Variants in HKDC1 observed in about 807,000 individuals in gnomAD.
HKDC1 encodes the protein hexokinase HKDC1.
Under a neutral mutation model 96.6 loss-of-function variants are expected in HKDC1, and 66 were observed. That is an observed-to-expected ratio of 0.68 (90% CI 0.56 to 0.84). HKDC1 has a LOEUF of 0.84. HKDC1 is among the 40% of genes least tolerant of loss of function. The probability of loss-of-function intolerance (pLI) is 0.00; values close to 1 mark genes in which losing one functional copy is unlikely to be tolerated. For synonymous variants in HKDC1, 466 were observed against 473.1 expected (o/e 0.98, Z 0.20); for missense variants, 1,211 against 1,208.1 (o/e 1.00, Z -0.04).
At chr10:69,261,350 C>T in intron 16 of HKDC1, 56 bp downstream of exon 16, 1 of 1,565,526 alleles carries the variant, frequency 6.4e-7, no homozygotes, top group Admixed American at 1.7e-5. Flanking sequence ...TGCCACCACG[C>T]TGGGGTTGGG....
chr10:69,227,932 C>A (rs370887850), intron 2 of HKDC1, among the ~76,000 whole-genome samples: 2 of 152,220 alleles, frequency 1.3e-5, no homozygotes, highest in African/African-American at 4.8e-5. Flanking sequence ...CTCTCAGTGA[C>A]CTGAGGCAAG....
chr10:69,229,358 C>T (rs1843212824), intron 2 of HKDC1, among the ~76,000 whole-genome samples: 1 of 152,236 alleles, frequency 6.6e-6, no homozygotes, highest in African/African-American at 2.4e-5. Flanking sequence ...TGGGTAGGTG[C>T]TTGGGATGGA....
chr10:69,227,070 G>A (rs1843169998), intron 1 of HKDC1, 137 bp from the exon 2 acceptor site: 1 of 902,710 alleles, frequency 1.1e-6, no homozygotes, highest in Admixed American at 2.2e-5. Flanking sequence ...GTCAGATAGG[G>A]AGGCTTTGGG....
At chr10:69,252,973 CGTGTGTGTGT>C (rs57083436) in intron 12 of HKDC1, among the ~76,000 whole-genome samples, 100 of 140,270 alleles carry the variant, frequency 7.1e-4, no homozygotes, top group African/African-American at 2.0e-3. Context: ...CATCTCTAAA[CGTGTGTGTGT>C]GTGTGTGTGT....
chr10:69,265,429 G>A (rs977560603), intron 16 of HKDC1, 156 bp from the exon 17 acceptor site: 18 of 658,002 alleles, frequency 2.7e-5, no homozygotes, highest in Admixed American at 1.5e-4. Flanking sequence ...CTTGAGTCTC[G>A]GCTTCTAAGG....
At chr10:69,266,301 A>C (rs950663756) in intron 17 of HKDC1, among the ~76,000 whole-genome samples, 1 of 152,096 alleles carries the variant, frequency 6.6e-6, no homozygotes, top group Admixed American at 6.6e-5. Context: ...ATACAAAATG[A>C]ACAAAAATTA....
In HKDC1 at chr10:69,249,053, C is replaced by A. The variant is rs1038468050; in HGVS notation, c.1570+325C>A. ...GACCCCAGGAACTTTGTTTTAGATGCCTGAGATTGCCTGGGCTTGTCTTCC... is the reference window on the plus strand; with the variant it reads ...GACCCCAGGAACTTTGTTTTAGATGACTGAGATTGCCTGGGCTTGTCTTCC... On this transcript the variant is annotated intron_variant, in intron 10 of 17. Coordinates refer to ENST00000354624, the MANE Select transcript of HKDC1 (RefSeq NM_025130.4). 2.3e-5 allele frequency: 5 copies of A among 219,054 alleles called. No homozygotes were observed. In the Admixed American group the frequency reaches 2.6e-4, roughly 11 times the overall value. 13.6% of individuals were successfully genotyped at this position (219,054 alleles called of 1,614,324 possible).
Position 69,250,452 on chromosome 10 carries a change from G to C in HKDC1, c.1716+17G>C. 6.2e-7 allele frequency: 1 copy of C among 1,612,014 alleles called. No homozygotes were observed. The highest frequency in any genetic ancestry group is 1.1e-5 in the South Asian group (1 of 91,058). ...GGTGAGGAGGTAAGTGCCAGGCAAG[G>C]CCTTTGGGCTCCGAGGTGCCAGCCT... On this transcript the variant is annotated intron_variant, in intron 11 of 17. Transcript: ENST00000354624.
Position 69,261,248 on chromosome 10 carries a change from C to A in HKDC1, c.2326C>A (p.Arg776=). 1 of 1,614,132 alleles carries A rather than the reference C, an allele frequency of 6.2e-7. No individual in the cohort carries two copies. Among genetic ancestry groups the A allele is most frequent in the South Asian group, 1.1e-5 (1 of 91,074 alleles). The change falls in exon 16 of 18, where the codon CGG becomes AGG. Residue 776 remains arginine (R), a synonymous_variant. Coordinates refer to ENST00000354624, the MANE Select transcript of HKDC1 (RefSeq NM_025130.4). ...CCGAGGGCAGATTTCAGAGCGTCTC[C>A]GGACCAGGGGCATCTTCGAAACCAA... ...LFRGQISERL[R]TRGIFETKFL... is the part of the protein sequence containing the mutation.
At position 69,227,345 on chromosome 10, in the gene HKDC1, G is replaced by A. The variant is rs759029504; in HGVS notation, c.202G>A (p.Val68Ile). 1.2e-5 allele frequency: 20 copies of A among 1,614,184 alleles called. No individual in the cohort carries two copies. In the African/African-American group the frequency reaches 1.9e-4, roughly 15 times the overall value. The change falls in exon 2 of 18, where the codon GTC becomes ATC. Residue 68 changes from valine to isoleucine, a missense_variant. Coordinates refer to ENST00000354624, the MANE Select transcript of HKDC1 (RefSeq NM_025130.4). ...TGCAGTGAAGATGTTGCCCACCTTCGTCAGGGCCATTCCCGATGGTTCCGG... is the reference window on the plus strand; with the variant it reads ...TGCAGTGAAGATGTTGCCCACCTTCATCAGGGCCATTCCCGATGGTTCCGG... ...TAAVKMLPTF[V>I]RAIPDGSENG...
chr10:69,266,378 G>T (rs1180896603), intron 17 of HKDC1, among the ~76,000 whole-genome samples: 1 of 151,938 alleles, frequency 6.6e-6, no homozygotes, highest in Non-Finnish European at 1.5e-5. Flanking sequence ...GAGCTGGGGG[G>T]CTTGAGCCTG....
intron 1 of HKDC1, among the ~76,000 whole-genome samples, chr10:69,222,705 G>T (rs7089277): frequency 0.93 from 141,247 of 152,272 alleles, 65,632 homozygotes; most frequent in East Asian, 1. Flanking sequence ...TTTCAATGCC[G>T]GGAGCTGACC....
At chr10:69,255,314 G>A (rs1450332106) in intron 12 of HKDC1, among the ~76,000 whole-genome samples, 2 of 152,238 alleles carry the variant, frequency 1.3e-5, no homozygotes, top group African/African-American at 4.8e-5. Flanking sequence ...TCTCTCTAAT[G>A]TTCTACACAT....
At chr10:69,232,397 A>G in intron 2 of HKDC1, 1 of 216,964 alleles carries the variant, frequency 4.6e-6, no homozygotes, top group Non-Finnish European at 9.2e-6. Flanking sequence ...CCAGGCTGGG[A>G]GCACCAGCTC....
At chr10:69,241,886 G>A (rs911043055) in intron 6 of HKDC1, among the ~76,000 whole-genome samples, 5 of 152,220 alleles carry the variant, frequency 3.3e-5, no homozygotes, top group African/African-American at 1.2e-4. Flanking sequence ...CCACTGGACT[G>A]TCAGGCAAGG....
At chr10:69,236,703 C>G (rs1156838274) in intron 4 of HKDC1, among the ~76,000 whole-genome samples, 1 of 151,658 alleles carries the variant, frequency 6.6e-6, no homozygotes, top group Non-Finnish European at 1.5e-5. Flanking sequence ...TTGCTTGAAC[C>G]TGGGAGGCGG....
Position 69,246,156 on chromosome 10 carries a change from T to C in HKDC1, c.953T>C (p.Leu318Pro), listed in dbSNP as rs1390540641. The C allele has an allele frequency of 6.2e-7, 1 of 1,614,228 alleles. No homozygotes were observed. The highest frequency in any genetic ancestry group is 1.7e-5 in the Admixed American group (1 of 60,020). Residue 318 changes from leucine (L) to proline (P), a missense_variant, in exon 8 of 18, where the codon CTC becomes CCC. Leu to Pro is a moderately conservative substitution (Grantham distance 98). Coordinates refer to ENST00000354624, the MANE Select transcript of HKDC1 (RefSeq NM_025130.4). ...TTGCTGAAGATGGCCAAGGCTGGCCTCCTGTTTGGTGGTGAGAAATCTTCT... is the reference window on the plus strand; with the variant it reads ...TTGCTGAAGATGGCCAAGGCTGGCCCCCTGTTTGGTGGTGAGAAATCTTCT... ...LILLKMAKAG[L>P]LFGGEKSSAL...
chr10:69,241,386 T>C (rs1843455140), intron 6 of HKDC1, among the ~76,000 whole-genome samples: 1 of 152,000 alleles, frequency 6.6e-6, no homozygotes, highest in Non-Finnish European at 1.5e-5. Context: ...GCACAGGATG[T>C]GCACACAGTC....
chr10:69,246,001 C>A, intron 7 of HKDC1, 78 bp from the exon 8 acceptor site: 1 of 1,546,394 alleles, frequency 6.5e-7, no homozygotes, highest in South Asian at 1.2e-5. Context: ...TTCCTGTGGG[C>A]AGTGGCTCCT....
Sources: allele counts gnomAD v4.1 joint callset (sites outside exome capture counted in the v4.1 genomes callset), GRCh38; gene constraint gnomAD v4.1.1; transcripts MANE v1.5; gene names NCBI Gene and HGNC (gene_info 2026-07-23, HGNC 2026-07-21).